MRPS21: variants seen among roughly 807,000 people sequenced by gnomAD.
MRPS21 encodes small ribosomal subunit protein bS21m.
In MRPS21, 8 loss-of-function variants were observed where a neutral mutation model predicts 9.9. That is an observed-to-expected ratio of 0.81 (90% CI 0.47 to 1.45). The LOEUF (loss-of-function observed/expected upper bound fraction) is 1.45, where lower values mean the gene tolerates loss of function less well. MRPS21 is among the 40% of genes most tolerant of loss of function. The pLI, the probability that MRPS21 is intolerant of heterozygous loss-of-function variation, is 0.00. For synonymous variants in MRPS21, 40 were observed against 40.3 expected (o/e 0.99, Z 0.03); for missense variants, 101 against 118.9 (o/e 0.85, Z 0.70).
At position 150,308,291 on chromosome 1, in the gene MRPS21, T is replaced by C. The variant is rs1572155263; in HGVS notation, c.*63T>C. 2 of 1,495,186 alleles carry C rather than the reference T, an allele frequency of 1.3e-6. No individual in the cohort carries two copies. The highest frequency in any genetic ancestry group is 1.8e-6 in the Non-Finnish European group (2 of 1,098,816). The allele number at this position is 1,495,186 out of a possible 1,614,324, so 92.6% of individuals were successfully genotyped here. A position where few individuals can be genotyped will look rare whatever the true frequency, so the allele number is the denominator to read the frequency against. ...CAGTTTTCTCTCCATCTCTTTTCTT[T>C]GTACAATCCCATTTCCTATTACCAT... On this transcript the variant is annotated 3_prime_UTR_variant, in exon 3 of 3. Coordinates refer to ENST00000614145, the MANE Select transcript of MRPS21 (RefSeq NM_031901.6).
intron 2 of MRPS21, among the ~76,000 whole-genome samples, chr1:150,299,018 C>G (rs1553857103): frequency 6.6e-6 from 1 of 152,150 alleles, no homozygotes; most frequent in East Asian, 1.9e-4. Context: ...GAGTTCGAGA[C>G]TAGCCTGGCC....
At chr1:150,294,588 C>T (rs1474602011) in intron 2 of MRPS21, 139 bp downstream of exon 2, 12 of 735,172 alleles carry the variant, frequency 1.6e-5, no homozygotes, top group Non-Finnish European at 2.8e-5. Context: ...CTCAGCCCCT[C>T]AGTTTATTAT....
At chr1:150,307,991 C>T in intron 2 of MRPS21, 57 bp from the exon 3 acceptor site, 1 of 1,425,762 alleles carries the variant, frequency 7.0e-7, no homozygotes, top group Non-Finnish European at 9.4e-7. Context: ...ATTTATGAAA[C>T]TGGAAAAGAA....
intron 2 of MRPS21, among the ~76,000 whole-genome samples, chr1:150,299,312 AAGACT>A (rs1344795443): frequency 4.2e-5 from 6 of 143,294 alleles, no homozygotes; most frequent in African/African-American, 1.6e-4. Flanking sequence ...CTTTTGAGAG[AAGACT>A]CTTATTTCTT....
chr1:150,302,491 C>A (rs368041704), intron 2 of MRPS21, among the ~76,000 whole-genome samples: 1 of 152,310 alleles, frequency 6.6e-6, no homozygotes, highest in Non-Finnish European at 1.5e-5. Flanking sequence ...TCTGCATACA[C>A]GTCTGTCCTG....
At chr1:150,294,751 T>C (rs587773197) in intron 2 of MRPS21, among the ~76,000 whole-genome samples, 1 of 150,276 alleles carries the variant, frequency 6.7e-6, no homozygotes, top group Non-Finnish European at 1.5e-5. Flanking sequence ...ATACAAAAAT[T>C]AGCCGGGCGT....
intron 2 of MRPS21, among the ~76,000 whole-genome samples, chr1:150,298,092 C>G (rs1301628108): frequency 6.6e-6 from 1 of 152,120 alleles, no homozygotes; most frequent in African/African-American, 2.4e-5. Context: ...CGCCACCAAG[C>G]CCAGCTAATT....
At chr1:150,300,592 A>AT (rs1654080258) in intron 2 of MRPS21, among the ~76,000 whole-genome samples, 5 of 152,180 alleles carry the variant, frequency 3.3e-5, no homozygotes, top group Admixed American at 3.3e-4. Context: ...CAAACATGGA[A>AT]TTTCTTTGAA....
intron 2 of MRPS21, among the ~76,000 whole-genome samples, chr1:150,294,932 CTGTA>C (rs1653860302): frequency 3.4e-5 from 5 of 149,132 alleles, no homozygotes; most frequent in Non-Finnish European, 7.4e-5. Context: ...TCAAACCTAA[CTGTA>C]TGAATTGTAT....
intron 2 of MRPS21, among the ~76,000 whole-genome samples, chr1:150,299,157 A>G (rs1654019431): frequency 6.6e-6 from 1 of 152,192 alleles, no homozygotes; most frequent in Admixed American, 6.6e-5. Flanking sequence ...CAGAGACTGC[A>G]GTGATGCCCC....
rs587735381 is a variant in MRPS21 at position 150,295,288 on chromosome 1, G to T, written c.83+839G>T. Among the ~76,000 whole-genome samples the T allele has an allele frequency of 3.2e-4, 49 of 152,204 alleles. 2 individuals carry two copies. The South Asian group carries it at 9.7e-3, about 30-fold the overall frequency. On this transcript the variant is annotated intron_variant, in intron 2 of 2. Transcript: ENST00000614145. Reference sequence around the variant, plus strand: ...TAGGATTACAGGCGTAAGCCACAGCGCCCGGCCCCGCTTTTTAAAAATTGA... The same window carrying T: ...TAGGATTACAGGCGTAAGCCACAGCTCCCGGCCCCGCTTTTTAAAAATTGA...
At position 150,294,476 on chromosome 1, in the gene MRPS21, C is replaced by T. The variant is rs374471359; in HGVS notation, c.83+27C>T. The T allele has an allele frequency of 2.2e-4, 344 of 1,569,868 alleles. 3 individuals carry two copies. In the South Asian group the frequency reaches 3.0e-3, roughly 14 times the overall value. ...TAACTGTTAAGGGACCAGAATCATG[C>T]CTAGACTCTCTGGGAAGTGCGGTGG... On this transcript the variant is annotated intron_variant, in intron 2 of 2. Transcript: ENST00000614145.
At chr1:150,297,595 T>C (rs189807385) in intron 2 of MRPS21, among the ~76,000 whole-genome samples, 9 of 151,488 alleles carry the variant, frequency 5.9e-5, no homozygotes, top group Admixed American at 4.0e-4. Flanking sequence ...CACTTGAACC[T>C]GGGAAATAGA....
At chr1:150,305,063 T>C in intron 2 of MRPS21, 1 of 355,006 alleles carries the variant, frequency 2.8e-6, no homozygotes, top group South Asian at 2.1e-5. Context: ...AAATAGGGTC[T>C]TGCTTGCCCA....
intron 2 of MRPS21, chr1:150,304,186 C>T: frequency 8.5e-6 from 3 of 353,246 alleles, no homozygotes; most frequent in Non-Finnish European, 1.1e-5. Flanking sequence ...TGGTACGCCC[C>T]TGTAATCCCA....
intron 2 of MRPS21, among the ~76,000 whole-genome samples, chr1:150,301,863 G>C (rs1466100627): frequency 6.6e-6 from 1 of 152,052 alleles, no homozygotes; most frequent in East Asian, 1.9e-4. Flanking sequence ...CTCCCAAAGC[G>C]CTGGGATTAC....
chr1:150,301,531 A>G (rs1654130707), intron 2 of MRPS21, among the ~76,000 whole-genome samples: 1 of 152,244 alleles, frequency 6.6e-6, no homozygotes, highest in Non-Finnish European at 1.5e-5. Flanking sequence ...CAAGTCCCAT[A>G]GACTCAGAGT....
At chr1:150,305,040 AAAAG>A (rs782301571) in intron 2 of MRPS21, 87 of 394,638 alleles carry the variant, frequency 2.2e-4, no homozygotes, top group Middle Eastern at 3.5e-4. Flanking sequence ...ACTCCGTCTC[AAAAG>A]AAAGAAAGAA....
At chr1:150,305,112 C>G (rs1654284354) in intron 2 of MRPS21, 1 of 252,952 alleles carries the variant, frequency 4.0e-6, no homozygotes, top group Non-Finnish European at 8.0e-6. Flanking sequence ...TCACTGCAGT[C>G]TCAACCTCCT....
Sources: allele counts gnomAD v4.1 joint callset (sites outside exome capture counted in the v4.1 genomes callset), GRCh38; gene constraint gnomAD v4.1.1; transcripts MANE v1.5; gene names NCBI Gene and HGNC (gene_info 2026-07-23, HGNC 2026-07-21).